N4BP2L2: variants seen among roughly 807,000 people sequenced by gnomAD.
N4BP2L2 encodes the protein NEDD4 binding protein 2 like 2, also known as NEDD4-binding protein 2-like 2.
In N4BP2L2, 50 loss-of-function variants were observed where a neutral mutation model predicts 56.2. That is an observed-to-expected ratio of 0.89 (90% CI 0.71 to 1.13). The LOEUF (loss-of-function observed/expected upper bound fraction) is 1.13, where lower values mean the gene tolerates loss of function less well. Ranked by LOEUF, N4BP2L2 falls within the 50% of genes most tolerant of loss-of-function variation. The pLI is 0.00. For synonymous variants in N4BP2L2, 203 were observed against 223.6 expected (o/e 0.91, Z 0.82); for missense variants, 689 against 693.8 (o/e 0.99, Z 0.08).
At chr13:32,515,792 A>C (rs1282031439) in exon 6 of N4BP2L2, 1 of 151,982 alleles carries the variant, frequency 6.6e-6, no homozygotes, top group Non-Finnish European at 1.5e-5. Flanking sequence ...GCTGGAGTGC[A>C]AGTGGCGCAA....
rs148969595 is a variant in N4BP2L2 at position 32,533,257 on chromosome 13, G to A, written c.1259+2512C>T. Among the ~76,000 whole-genome samples the A allele has an allele frequency of 6.6e-5, 10 of 152,204 alleles. No homozygotes were observed. In the East Asian group the frequency reaches 1.7e-3, roughly 26 times the overall value. On this transcript the variant is annotated intron_variant, in intron 2 of 5. Transcript: ENST00000267068. Reference sequence around the variant, plus strand: ...ATTTATAAATCAATTAGGGGGAAAAGTGACATCTTTATCGGGCTATCCTAC... The same window carrying A: ...ATTTATAAATCAATTAGGGGGAAAAATGACATCTTTATCGGGCTATCCTAC...
At chr13:32,531,332 T>C (rs915478189) in intron 2 of N4BP2L2, among the ~76,000 whole-genome samples, 17 of 152,202 alleles carry the variant, frequency 1.1e-4, no homozygotes, top group Non-Finnish European at 4.4e-5. Context: ...ATACTTATAA[T>C]TTCTCACGTA....
chr13:32,538,708 A>G (rs1377073504), exon 1 of N4BP2L2: 2 of 985,382 alleles, frequency 2.0e-6, no homozygotes, highest in Non-Finnish European at 2.4e-6. Flanking sequence ...AGAAAAGCGG[A>G]GACAGCACTA....
chr13:32,489,845 C>T (rs1348367686), intron 6 of N4BP2L2, among the ~76,000 whole-genome samples: 1 of 151,314 alleles, frequency 6.6e-6, no homozygotes, highest in African/African-American at 2.4e-5. Flanking sequence ...TTCACAGATA[C>T]CTACTGCTCA....
At chr13:32,450,571 G>A (rs540977540) in intron 6 of N4BP2L2, among the ~76,000 whole-genome samples, 3 of 152,006 alleles carry the variant, frequency 2.0e-5, no homozygotes, top group South Asian at 2.1e-4. Flanking sequence ...TGATCTGCCC[G>A]CCTCGGCCTC....
chr13:32,464,181 GACA>G (rs767769523), intron 6 of N4BP2L2, among the ~76,000 whole-genome samples: 30 of 152,148 alleles, frequency 2.0e-4, no homozygotes, highest in Non-Finnish European at 4.0e-4. Context: ...TGTAATCTGT[GACA>G]ACAACAACAA....
chr13:32,500,003 C>G (rs1209803088), intron 6 of N4BP2L2, among the ~76,000 whole-genome samples: 1 of 152,178 alleles, frequency 6.6e-6, no homozygotes, highest in Non-Finnish European at 1.5e-5. Context: ...ATGCCCTTGT[C>G]TAATATTTGC....
intron 6 of N4BP2L2, among the ~76,000 whole-genome samples, chr13:32,473,324 T>C (rs1298789777): frequency 2.0e-5 from 3 of 151,850 alleles, no homozygotes; most frequent in Non-Finnish European, 4.4e-5. Flanking sequence ...GTTGAAATAA[T>C]ATTTTGATAG....
chr13:32,514,372 AT>A (rs973723080), exon 6 of N4BP2L2: 7 of 152,366 alleles, frequency 4.6e-5, no homozygotes, highest in African/African-American at 7.2e-5. Flanking sequence ...AAACAAAAAA[AT>A]AAATACAATT....
intron 2 of N4BP2L2, among the ~76,000 whole-genome samples, chr13:32,530,934 G>C (rs1010414129): frequency 6.6e-6 from 1 of 151,040 alleles, no homozygotes; most frequent in African/African-American, 2.4e-5. Context: ...ACTTGAGCTT[G>C]CATGCTTTCT....
At chr13:32,496,643 A>G (rs1270365750) in intron 6 of N4BP2L2, among the ~76,000 whole-genome samples, 1 of 152,184 alleles carries the variant, frequency 6.6e-6, no homozygotes, top group Non-Finnish European at 1.5e-5. Flanking sequence ...GGAATAAGCC[A>G]TTCCTAATGC....
intron 5 of N4BP2L2, among the ~76,000 whole-genome samples, chr13:32,518,688 C>T (rs1028827538): frequency 1.3e-5 from 2 of 152,040 alleles, no homozygotes; most frequent in African/African-American, 2.4e-5. Context: ...CCAGGCAAAA[C>T]AATGGCTACC....
chr13:32,444,933 T>C (rs1423423841), intron 6 of N4BP2L2, among the ~76,000 whole-genome samples: 4 of 152,148 alleles, frequency 2.6e-5, no homozygotes, highest in Admixed American at 6.6e-5. Context: ...TTATAAAACA[T>C]TAGTAAGTAT....
At chr13:32,440,041 G>T (rs1213303696) in intron 7 of N4BP2L2, among the ~76,000 whole-genome samples, 1 of 146,696 alleles carries the variant, frequency 6.8e-6, no homozygotes, top group Non-Finnish European at 1.5e-5. Flanking sequence ...AAAAAAAAAA[G>T]AAAAGGAAAA....
intron 6 of N4BP2L2, among the ~76,000 whole-genome samples, chr13:32,476,423 T>C (rs1320116133): frequency 6.6e-6 from 1 of 152,226 alleles, no homozygotes; most frequent in Non-Finnish European, 1.5e-5. Flanking sequence ...GGAATTCTGA[T>C]GCTGAGTGGA....
At chr13:32,443,539 T>C (rs200999304) in exon 7 of N4BP2L2, 27 of 1,610,526 alleles carry the variant, frequency 1.7e-5, no homozygotes, top group Middle Eastern at 3.3e-4. Context: ...AATGGGTTCA[T>C]GTGAGAGATT....
At chr13:32,538,595 C>T (rs1029979314) in intron 1 of N4BP2L2, 23 bp downstream of exon 1, 3 of 983,996 alleles carry the variant, frequency 3.0e-6, no homozygotes, top group Non-Finnish European at 3.6e-6. Flanking sequence ...CCCACCCTCA[C>T]CTAAAACGGG....
chr13:32,476,853 C>T (rs772530330), intron 6 of N4BP2L2, among the ~76,000 whole-genome samples: 1 of 152,134 alleles, frequency 6.6e-6, no homozygotes, highest in Non-Finnish European at 1.5e-5. Context: ...AAAAGTACCC[C>T]TGGCAGTGTG....
chr13:32,469,678 C>T (rs2081947159), intron 6 of N4BP2L2, among the ~76,000 whole-genome samples: 1 of 152,232 alleles, frequency 6.6e-6, no homozygotes, highest in Non-Finnish European at 1.5e-5. Context: ...AAGGAGCTGA[C>T]ACATTTCCTG....
Sources: gnomAD v4.1 joint callset for allele counts (sites outside exome capture counted in the v4.1 genomes callset) on GRCh38, gnomAD v4.1.1 for gene constraint, MANE v1.5 for transcripts, NCBI Gene and HGNC (gene_info 2026-07-23, HGNC 2026-07-21) for gene names.